PARP14: variants seen among roughly 807,000 people sequenced by gnomAD.
PARP14 encodes the protein poly(ADP-ribose) polymerase family member 14, also known as protein mono-ADP-ribosyltransferase PARP14.
Under a neutral mutation model 154.2 loss-of-function variants are expected in PARP14, and 59 were observed. The ratio of observed to expected loss-of-function variants is 0.38; its 90% CI spans 0.31 to 0.48. The LOEUF (loss-of-function observed/expected upper bound fraction) is 0.48, where lower values mean the gene tolerates loss of function less well. PARP14 is among the 20% of genes least tolerant of loss of function. PARP14 has a pLI of 0.98. For missense variants in PARP14, 1,734 were observed against 2,131.6 expected (o/e 0.81, Z 3.67); for synonymous variants, 720 against 780.5 (o/e 0.92, Z 1.29).
intron 3 of PARP14, among the ~76,000 whole-genome samples, chr3:122,687,839 T>A (rs911453412): frequency 6.6e-6 from 1 of 152,246 alleles, no homozygotes; most frequent in African/African-American, 2.4e-5. Context: ...TACATATACC[T>A]AAACCTTAAG....
At position 122,718,215 on chromosome 3, in the gene PARP14, A is replaced by T; in HGVS notation, c.4145A>T (p.Asn1382Ile). The T allele has an allele frequency of 6.2e-7, 1 of 1,613,766 alleles. No individual in the cohort carries two copies. The highest frequency in any genetic ancestry group is 8.5e-7 in the Non-Finnish European group (1 of 1,179,770). The change falls in exon 13 of 17, where the codon AAC (asparagine) becomes ATC (isoleucine). Residue 1382 changes from asparagine to isoleucine, a missense_variant. Asn to Ile is a moderately radical substitution (Grantham distance 149, BLOSUM62 -3). Around this residue, in one of 2 missense-constraint regions of PARP14, gnomAD observed 1,646 missense variants for 1,976.0 expected, o/e 0.83. Coordinates refer to ENST00000474629, the MANE Select transcript of PARP14 (RefSeq NM_017554.3). ...LPQVLDVFYA[N>I]MKKREGTQLS... is the part of the protein sequence containing the mutation. ...CAAGTACTGGATGTGTTTTATGCCA[A>T]CATGAAGAAAAGAGAAGGGACTCAG...
chr3:122,724,658 T>G (rs2107656061), intron 15 of PARP14, among the ~76,000 whole-genome samples: 1 of 151,836 alleles, frequency 6.6e-6, no homozygotes, highest in African/African-American at 2.4e-5. Flanking sequence ...TTTTTTTTTT[T>G]TTTTAGTATT....
rs201934309 is a variant in PARP14, at chr3:122,728,328, A to T, written c.5137A>T (p.Thr1713Ser). 4.2e-5 allele frequency: 68 copies of T among 1,613,016 alleles called. No homozygotes were observed. The highest frequency in any genetic ancestry group is 1.3e-4 in the Admixed American group (8 of 59,998). ...GKNAVAYGKGTYFAVNANYSA... is the reference protein window; with the variant it reads ...GKNAVAYGKGSYFAVNANYSA... ...CACAGCTGTGGCATATGGAAAGGGA[A>T]CCTATTTTGCTGTCAATGCCAATTA... is the stretch of plus-strand genomic sequence containing the variant. The change falls in exon 17 of 17, where the codon ACC (threonine) becomes TCC (serine). Residue 1713 changes from threonine (T) to serine (S), a missense_variant. Thr to Ser is a moderately conservative substitution (Grantham distance 58, BLOSUM62 1). Transcript: ENST00000474629.
At position 122,693,075 on chromosome 3, in the gene PARP14, T is replaced by C. The variant is rs535531057; in HGVS notation, c.598+532T>C. Among the ~76,000 whole-genome samples, 22 of 152,308 alleles carry C rather than the reference T, an allele frequency of 1.4e-4. No homozygotes were observed. In the East Asian group the frequency reaches 2.5e-3, roughly 17 times the overall value. ...ATTATTATTGATCCCCATGTTACAG[T>C]TGGGGAGACAAAACACAAAGGTGCG... On this transcript the variant is annotated intron_variant, in intron 4 of 16. Coordinates refer to ENST00000474629, the MANE Select transcript of PARP14 (RefSeq NM_017554.3).
chr3:122,707,962 ATCCACATCGTTG>A (rs1939212654), intron 8 of PARP14, among the ~76,000 whole-genome samples: 1 of 152,234 alleles, frequency 6.6e-6, no homozygotes, highest in African/African-American at 2.4e-5. Flanking sequence ...CCTTGTATTT[ATCCACATCGTTG>A]TCCACATCGT....
At chr3:122,688,724 A>G (rs1938451266) in intron 3 of PARP14, among the ~76,000 whole-genome samples, 1 of 152,206 alleles carries the variant, frequency 6.6e-6, no homozygotes, top group African/African-American at 2.4e-5. Context: ...TCTGTTTCTC[A>G]GGGATGGGGA....
chr3:122,718,230 A>T lies in PARP14; in HGVS notation c.4160A>T (p.Glu1387Val). Reference protein sequence around the residue: ...DVFYANMKKREGTQLSSQQSV... With the variant: ...DVFYANMKKRVGTQLSSQQSV... The stretch of plus-strand genomic sequence containing the variant: ...TTTTATGCCAACATGAAGAAAAGAG[A>T]AGGGACTCAGCTTTCTTCCCAACAG... Residue 1387 changes from glutamate to valine, a missense_variant, in exon 13 of 17, where the codon GAA (glutamate) becomes GTA (valine). Transcript: ENST00000474629. 6.2e-7 allele frequency: 1 copy of T among 1,613,678 alleles called. No individual in the cohort carries two copies. Among genetic ancestry groups the T allele is most frequent in the South Asian group, 1.1e-5 (1 of 91,042 alleles).
chr3:122,692,344 A>G lies in PARP14; in HGVS notation c.399A>G (p.Gly133=). The G allele has an allele frequency of 2.5e-6, 4 of 1,613,064 alleles. No homozygotes were observed. The highest frequency in any genetic ancestry group is 2.5e-6 in the Non-Finnish European group (3 of 1,179,088). The change falls in exon 4 of 17, where the codon GGA becomes GGG. Residue 133 remains glycine (G), a synonymous_variant. Coordinates refer to ENST00000474629, the MANE Select transcript of PARP14 (RefSeq NM_017554.3). The part of the protein sequence containing the change: ...ELDTKLPLDG[G]LDKMEDIPEE... ...ATACAAAACTCCCTCTTGATGGTGG[A>G]TTAGACAAAATGGAAGATATCCCAG...
intron 2 of PARP14, 108 bp from the exon 3 acceptor site, chr3:122,686,972 A>G: frequency 1.3e-6 from 1 of 745,598 alleles, no homozygotes; most frequent in Non-Finnish European, 2.3e-6. Context: ...AGACCTTTTC[A>G]TTATTGTTTC....
intron 2 of PARP14, 143 bp from the exon 3 acceptor site, chr3:122,686,937 A>G (rs368744970): frequency 4.2e-4 from 254 of 610,932 alleles, no homozygotes; most frequent in African/African-American, 4.1e-3. Flanking sequence ...ATATGGCCCC[A>G]GATGTATTCA....
chr3:122,718,444 G>T lies in PARP14; in HGVS notation c.4293G>T (p.Val1431=), dbSNP rs1450868230. The change falls in exon 14 of 17, where the codon GTG becomes GTT. Residue 1431 remains valine (V), a synonymous_variant. Transcript: ENST00000474629. The part of the protein sequence containing the change: ...EKKTESATFR[V]CGENVTCVEY... Reference sequence around the variant, plus strand: ...AAACAGAATCAGCAACTTTTCGGGTGTGTGGTGAAAATGTCACGTGTGTGG... The same window carrying T: ...AAACAGAATCAGCAACTTTTCGGGTTTGTGGTGAAAATGTCACGTGTGTGG... The T allele has an allele frequency of 6.2e-7, 1 of 1,613,910 alleles. No homozygotes were observed. The highest frequency in any genetic ancestry group is 8.5e-7 in the Non-Finnish European group (1 of 1,179,862).
In PARP14 at chr3:122,687,211, A is replaced by G. The variant is rs535781922; in HGVS notation, c.355+98A>G. Reference sequence around the variant, plus strand: ...AGTCAGCCCTCTCTTCTTGACTTCCACTATGCAGGATGTGCTCCGCTGGGA... The same window carrying G: ...AGTCAGCCCTCTCTTCTTGACTTCCGCTATGCAGGATGTGCTCCGCTGGGA... On this transcript the variant is annotated intron_variant, in intron 3 of 16. Transcript: ENST00000474629. The G allele has an allele frequency of 5.4e-5, 44 of 817,004 alleles. 1 individual carries two copies. The South Asian group carries it at 6.3e-4, about 12-fold the overall frequency. 50.6% of individuals were successfully genotyped at this position (817,004 alleles called of 1,614,324 possible). A position where few individuals can be genotyped will look rare whatever the true frequency, so the allele number is the denominator to read the frequency against.
chr3:122,693,852 AAAAG>A (rs1460717844), intron 4 of PARP14, among the ~76,000 whole-genome samples: 32 of 146,434 alleles, frequency 2.2e-4, no homozygotes, highest in South Asian at 8.5e-4. Context: ...GAAAAAAAAA[AAAAG>A]AAAAGAAAAG....
chr3:122,724,445 C>T (rs977973111), intron 15 of PARP14, among the ~76,000 whole-genome samples: 4 of 149,418 alleles, frequency 2.7e-5, no homozygotes, highest in African/African-American at 4.9e-5. Flanking sequence ...GCTACAGGCA[C>T]ATGCCACCAC....
At chr3:122,720,470 C>T (rs1933135389) in intron 15 of PARP14, 82 bp downstream of exon 15, 1 of 1,284,306 alleles carries the variant, frequency 7.8e-7, no homozygotes, top group African/African-American at 1.5e-5. Flanking sequence ...TTTTCATTCA[C>T]TTCCTATCAC....
chr3:122,700,060 T>C lies in PARP14; in HGVS notation c.1506T>C (p.Asp502=), dbSNP rs750382911. Residue 502 remains aspartate, a synonymous_variant, in exon 6 of 17, where the codon GAT becomes GAC. Transcript: ENST00000474629. ...GCCCAGAGATAGAGATTTGTTACGA[T>C]AGAGTCACTCAACACTTGTGCTTGA... ...TECPEIEICY[D]RVTQHLCLKG... is the part of the protein sequence containing the mutation. 41 of 1,613,848 alleles carry C rather than the reference T, an allele frequency of 2.5e-5. No individual in the cohort carries two copies. The highest frequency in any genetic ancestry group is 1.6e-4 in the Middle Eastern group (1 of 6,084).
chr3:122,720,516 A>T, intron 15 of PARP14, 128 bp downstream of exon 15: 1 of 841,236 alleles, frequency 1.2e-6, no homozygotes, highest in Non-Finnish European at 2.0e-6. Context: ...TTGTATGGTA[A>T]TTAGTAGTTC....
chr3:122,708,630 TTGAG>T (rs2107648454), intron 9 of PARP14, among the ~76,000 whole-genome samples: 1 of 152,358 alleles, frequency 6.6e-6, no homozygotes, highest in East Asian at 1.9e-4. Flanking sequence ...TTTATCCTGT[TTGAG>T]TTTCACCGAG....
intron 6 of PARP14, among the ~76,000 whole-genome samples, chr3:122,702,983 C>A (rs1160085176): frequency 3.0e-5 from 4 of 134,270 alleles, no homozygotes; most frequent in Admixed American, 1.6e-4. Context: ...CAGAGCAAGA[C>A]CCTCTCTCTT....
Sources: gnomAD v4.1 joint callset for allele counts (sites outside exome capture counted in the v4.1 genomes callset) on GRCh38, gnomAD v4.1.1 for gene constraint, gnomAD v4.1.1 regional missense constraint, MANE v1.5 for transcripts, NCBI Gene and HGNC (gene_info 2026-07-23, HGNC 2026-07-21) for gene names.